CDC25A: variants seen among roughly 807,000 people sequenced by gnomAD.
CDC25A encodes the protein M-phase inducer phosphatase 1.
CDC25A carries 17 observed loss-of-function variants against 64.6 expected under a neutral mutation model. The observed-to-expected ratio is 0.26, with a 90% CI of 0.18 to 0.39. The LOEUF is 0.39. Ranked by LOEUF, CDC25A falls within the 10% of genes least tolerant of loss-of-function variation. The pLI, the probability that CDC25A is intolerant of heterozygous loss-of-function variation, is 1.00. For missense variants in CDC25A, 473 were observed against 654.8 expected (o/e 0.72, Z 3.03); for synonymous variants, 229 against 238.6 (o/e 0.96, Z 0.37).
At chr3:48,183,317 T>C (rs1369732539) in intron 4 of CDC25A, among the ~76,000 whole-genome samples, 1 of 152,176 alleles carries the variant, frequency 6.6e-6, no homozygotes, top group Non-Finnish European at 1.5e-5. Context: ...AACATTTGCA[T>C]CAAAAGAACC....
intron 5 of CDC25A, among the ~76,000 whole-genome samples, chr3:48,181,104 TCA>T (rs1175564146): frequency 6.6e-6 from 1 of 152,152 alleles, no homozygotes; most frequent in African/African-American, 2.4e-5. Flanking sequence ...ATAAGCTAAA[TCA>T]CAAACTTTCT....
At chr3:48,168,360 C>CACACACACACACA (rs2032122978) in intron 9 of CDC25A, among the ~76,000 whole-genome samples, 1 of 106,538 alleles carries the variant, frequency 9.4e-6, no homozygotes, top group African/African-American at 3.8e-5. Context: ...AAGACCCTGT[C>CACACACACACACA]CACACACACA....
Position 48,164,371 on chromosome 3 carries a change from T to C in CDC25A, c.1258A>G (p.Thr420Ala), listed in dbSNP as rs2031914651. The C allele has an allele frequency of 1.9e-6, 3 of 1,604,654 alleles. No individual in the cohort carries two copies. The highest frequency in any genetic ancestry group is 1.1e-5 in the South Asian group (1 of 89,120). The stretch of plus-strand genomic sequence containing the variant: ...ACAACAATGACACGCTTGCCATCAG[T>C]AGGTACAATGGGCTTCTTCAATAAG... ...DFLLKKPIVPTDGKRVIVVFH... is the reference protein window; with the variant it reads ...DFLLKKPIVPADGKRVIVVFH... Residue 420 changes from threonine to alanine, a missense_variant, in exon 13 of 15, where the codon ACT (threonine) becomes GCT (alanine). Coordinates refer to ENST00000302506, the MANE Select transcript of CDC25A (RefSeq NM_001789.3).
At chr3:48,184,898 C>T (rs1008185805) in intron 2 of CDC25A, among the ~76,000 whole-genome samples, 6 of 152,046 alleles carry the variant, frequency 3.9e-5, no homozygotes, top group Non-Finnish European at 5.9e-5. Context: ...ATTTTCATAG[C>T]GTATTTACTG....
At chr3:48,173,565 C>T (rs889668549) in intron 9 of CDC25A, among the ~76,000 whole-genome samples, 2 of 152,184 alleles carry the variant, frequency 1.3e-5, no homozygotes, top group African/African-American at 4.8e-5. Context: ...TTATGGCCAA[C>T]AGCAAGCGGG....
intron 4 of CDC25A, among the ~76,000 whole-genome samples, chr3:48,183,417 G>A (rs540847101): frequency 6.6e-6 from 1 of 152,332 alleles, no homozygotes; most frequent in South Asian, 2.1e-4. Flanking sequence ...AGGAAAGGCT[G>A]GGAATAGTGG....
chr3:48,168,639 T>A (rs1486166436), intron 9 of CDC25A, among the ~76,000 whole-genome samples: 3 of 150,712 alleles, frequency 2.0e-5, no homozygotes, highest in Non-Finnish European at 4.4e-5. Flanking sequence ...TTTTTTTTTT[T>A]TAAAAAGACA....
Position 48,188,237 on chromosome 3 carries a change from A to C in CDC25A, c.-290T>G. 48 of 249,976 alleles carry C rather than the reference A, an allele frequency of 1.9e-4. No individual in the cohort carries two copies. The highest frequency in any genetic ancestry group is 1.2e-3 in the Middle Eastern group (1 of 846). 15.5% of individuals were successfully genotyped at this position (249,976 alleles called of 1,614,324 possible). A position where few individuals can be genotyped will look rare whatever the true frequency, so the allele number is the denominator to read the frequency against. ...CAACCTGAAGATTAAATCCAAACAA[A>C]CGTGGCGGGTCGGCAAGAGAAGCCG... On this transcript the variant is annotated 5_prime_UTR_variant, in exon 1 of 15. Coordinates refer to ENST00000302506, the MANE Select transcript of CDC25A (RefSeq NM_001789.3).
At chr3:48,169,221 T>TAG (rs2032175213) in intron 9 of CDC25A, among the ~76,000 whole-genome samples, 1 of 152,228 alleles carries the variant, frequency 6.6e-6, no homozygotes, top group Non-Finnish European at 1.5e-5. Context: ...TGTAAGTTTC[T>TAG]CTTTATAGAT....
At chr3:48,183,860 T>C in intron 3 of CDC25A, 24 bp from the exon 4 acceptor site, 1 of 1,464,288 alleles carries the variant, frequency 6.8e-7, no homozygotes, top group Non-Finnish European at 9.6e-7. Context: ...AGAAGGTAAA[T>C]AATGAGAATA....
chr3:48,173,870 C>T (rs1023716503), intron 9 of CDC25A, among the ~76,000 whole-genome samples: 2 of 152,216 alleles, frequency 1.3e-5, no homozygotes, highest in African/African-American at 4.8e-5. Flanking sequence ...AAAAGACAAT[C>T]AACAGATGCC....
At chr3:48,176,383 T>C (rs923872572) in intron 8 of CDC25A, among the ~76,000 whole-genome samples, 13 of 151,792 alleles carry the variant, frequency 8.6e-5, no homozygotes, top group African/African-American at 3.1e-4. Context: ...CACGAATCTA[T>C]AGCATGTGTA....
At chr3:48,163,231 C>T (rs1324060738) in intron 13 of CDC25A, among the ~76,000 whole-genome samples, 2 of 137,906 alleles carry the variant, frequency 1.5e-5, no homozygotes, top group Non-Finnish European at 3.1e-5. Flanking sequence ...TGCAGTGAGC[C>T]GAGATCATGC....
At chr3:48,159,483 G>A (rs770829997) in intron 13 of CDC25A, 28 bp from the exon 14 acceptor site, 2 of 1,536,954 alleles carry the variant, frequency 1.3e-6, no homozygotes, top group Non-Finnish European at 1.8e-6. Flanking sequence ...GGCCAAAGCA[G>A]GGTTAGCTTT....
chr3:48,175,800 A>G (rs1426144248), intron 8 of CDC25A, among the ~76,000 whole-genome samples: 1 of 152,216 alleles, frequency 6.6e-6, no homozygotes, highest in Non-Finnish European at 1.5e-5. Flanking sequence ...TTTACTCATA[A>G]CATTTGTACT....
rs933325273 is a variant in CDC25A, at chr3:48,158,758, G to A, written c.*187C>T. Reference sequence around the variant, plus strand: ...GAGGACGTCTAACAGGGACAGAAGAGGCGTAGCCAGCAAGATGCCCTGGGC... The same window carrying A: ...GAGGACGTCTAACAGGGACAGAAGAAGCGTAGCCAGCAAGATGCCCTGGGC... On this transcript the variant is annotated 3_prime_UTR_variant, in exon 15 of 15. Coordinates refer to ENST00000302506, the MANE Select transcript of CDC25A (RefSeq NM_001789.3). 3.8e-5 allele frequency: 25 copies of A among 653,304 alleles called. No homozygotes were observed. The highest frequency in any genetic ancestry group is 6.1e-5 in the Non-Finnish European group (23 of 376,136). 40.5% of individuals were successfully genotyped at this position (653,304 alleles called of 1,614,324 possible).
chr3:48,168,360 C>CCACAGACACACACACA (rs1553768360), intron 9 of CDC25A, among the ~76,000 whole-genome samples: 2 of 106,538 alleles, frequency 1.9e-5, no homozygotes, highest in Non-Finnish European at 3.7e-5. Context: ...AAGACCCTGT[C>CCACAGACACACACACA]CACACACACA....
intron 9 of CDC25A, among the ~76,000 whole-genome samples, 172 bp from the exon 10 acceptor site, chr3:48,168,116 A>C (rs1229003857): frequency 6.6e-6 from 1 of 150,756 alleles, no homozygotes; most frequent in Non-Finnish European, 1.5e-5. Context: ...TGGGTTATTG[A>C]CTAGGTCTCC....
At chr3:48,172,219 T>C (rs2032295786) in intron 9 of CDC25A, among the ~76,000 whole-genome samples, 1 of 152,180 alleles carries the variant, frequency 6.6e-6, no homozygotes, top group South Asian at 2.1e-4. Flanking sequence ...AAAACAAAAA[T>C]ACTATGCAAT....
Sources: allele counts gnomAD v4.1 joint callset (sites outside exome capture counted in the v4.1 genomes callset), GRCh38; gene constraint gnomAD v4.1.1; transcripts MANE v1.5; gene names NCBI Gene and HGNC (gene_info 2026-07-23, HGNC 2026-07-21).